Variants in RYR2 observed in about 807,000 individuals in gnomAD.
RYR2 encodes cardiac muscle ryanodine receptor-calcium release channel.
RYR2 carries 227 observed loss-of-function variants against 601.1 expected under a neutral mutation model. The ratio of observed to expected loss-of-function variants is 0.38; its 90% confidence interval spans 0.34 to 0.42. The LOEUF is 0.42. Among genes scored for constraint, RYR2 ranks in the 10% least tolerant of loss-of-function variants. RYR2 has a pLI of 1.00. For synonymous variants in RYR2, 2,223 were observed against 2,175.1 expected (o/e 1.02, Z -0.61); for missense variants, 4,646 against 6,156.5 (o/e 0.75, Z 8.21).
chr1:237,353,234 T>C (rs890005025), intron 3 of RYR2, among the ~76,000 whole-genome samples: 1 of 152,126 alleles, frequency 6.6e-6, no homozygotes, highest in Admixed American at 6.5e-5. Flanking sequence ...GAATAGTTCA[T>C]GTTTATGTGC....
intron 91 of RYR2, among the ~76,000 whole-genome samples, chr1:237,786,263 T>C (rs904677349): frequency 6.6e-6 from 1 of 152,112 alleles, no homozygotes; most frequent in East Asian, 1.9e-4. Context: ...TTCCTCTCAT[T>C]CCATGGGGAC....
rs372287944 is a variant in RYR2 at position 237,374,703 on chromosome 1, T to C, written c.385-14T>C. 1.1e-4 allele frequency: 169 copies of C among 1,604,522 alleles called. No homozygotes were observed. Among genetic ancestry groups the C allele is most frequent in the Non-Finnish European group, 1.4e-4 (165 of 1,173,808 alleles). ...AAAACCTCTACTTACAACTACTGAT[T>C]TTGTACTTTGTAGTATCTGTGCTGC... On this transcript the variant is annotated splice_polypyrimidine_tract_variant and intron_variant, in intron 6 of 104. Coordinates refer to ENST00000366574, the MANE Select transcript of RYR2 (RefSeq NM_001035.3).
At chr1:237,272,219 G>A (rs1054711318) in intron 2 of RYR2, among the ~76,000 whole-genome samples, 1 of 152,048 alleles carries the variant, frequency 6.6e-6, no homozygotes, top group Non-Finnish European at 1.5e-5. Context: ...TTGGCCCTAT[G>A]GACTTTTATA....
intron 29 of RYR2, among the ~76,000 whole-genome samples, chr1:237,574,269 T>A: frequency 6.6e-6 from 1 of 152,200 alleles, no homozygotes; most frequent in Non-Finnish European, 1.5e-5. Context: ...GCTTAAGTTT[T>A]TCCATGAATT....
chr1:237,214,855 GT>G (rs1434258566), intron 1 of RYR2, among the ~76,000 whole-genome samples: 6 of 151,966 alleles, frequency 3.9e-5, no homozygotes, highest in Non-Finnish European at 8.8e-5. Context: ...CAAAATTGAT[GT>G]GAGAAATGTA....
intron 1 of RYR2, among the ~76,000 whole-genome samples, chr1:237,117,137 C>A (rs1267799701): frequency 6.6e-6 from 1 of 152,048 alleles, no homozygotes; most frequent in Admixed American, 6.6e-5. Flanking sequence ...CAAGTAGAAG[C>A]TTCTTAAATA....
intron 1 of RYR2, among the ~76,000 whole-genome samples, chr1:237,137,273 C>T (rs1672898353): frequency 6.6e-6 from 1 of 152,106 alleles, no homozygotes; most frequent in Admixed American, 6.5e-5. Flanking sequence ...ATGGTACTTA[C>T]CCCTCCCATG....
At position 237,388,268 on chromosome 1, in the gene RYR2, G is replaced by A. The variant is rs535973183; in HGVS notation, c.773+85G>A. 86 of 1,095,706 alleles carry A rather than the reference G, an allele frequency of 7.8e-5. 1 individual carries two copies. In the East Asian group the frequency reaches 2.1e-3, roughly 26 times the overall value. 67.9% of individuals were successfully genotyped at this position (1,095,706 alleles called of 1,614,324 possible). On this transcript the variant is annotated intron_variant, in intron 10 of 104. Transcript: ENST00000366574. ...AAAAACTAGGGATCTATTCATTCAG[G>A]CCAGTAGCATCATACAAGATGGGCT...
chr1:237,646,295 C>T (rs937137075), intron 48 of RYR2, among the ~76,000 whole-genome samples: 6 of 151,904 alleles, frequency 3.9e-5, no homozygotes, highest in African/African-American at 1.4e-4. Context: ...GAGCCACGGC[C>T]GTGCCACTGC....
intron 76 of RYR2, among the ~76,000 whole-genome samples, chr1:237,728,493 T>C (rs1004030118): frequency 3.9e-5 from 6 of 152,136 alleles, no homozygotes; most frequent in African/African-American, 1.4e-4. Context: ...TGTATGTTTA[T>C]TGCAGCACTG....
intron 1 of RYR2, among the ~76,000 whole-genome samples, chr1:237,253,179 AAAC>A (rs1345397528): frequency 1.1e-3 from 163 of 149,322 alleles, no homozygotes; most frequent in Admixed American, 7.7e-3. Context: ...AAAAAAAAAA[AAAC>A]AACAACAAAA....
intron 63 of RYR2, among the ~76,000 whole-genome samples, chr1:237,694,112 G>A (rs1342544342): frequency 6.6e-6 from 1 of 151,816 alleles, no homozygotes; most frequent in Non-Finnish European, 1.5e-5. Flanking sequence ...GGCTAACAAG[G>A]TGAAACCCCG....
At chr1:237,807,693 TA>T (rs1660796678) in intron 99 of RYR2, among the ~76,000 whole-genome samples, 1 of 152,176 alleles carries the variant, frequency 6.6e-6, no homozygotes, top group Non-Finnish European at 1.5e-5. Flanking sequence ...TTTATAGTCC[TA>T]ACAGGTGAAA....
intron 53 of RYR2, among the ~76,000 whole-genome samples, chr1:237,657,136 A>AC (rs1337122799): frequency 5.9e-5 from 9 of 152,170 alleles, no homozygotes; most frequent in Non-Finnish European, 2.9e-5. Flanking sequence ...TAACAGATAC[A>AC]GGTTTATGTG....
rs748978315 is a variant in RYR2 at position 237,388,196 on chromosome 1, G to A, written c.773+13G>A. Reference sequence around the variant, plus strand: ...AAGAGCAGCGGAGGTTAGTACCTGAGCTCATTGCATTGAGACTTGCACTCT... The same window carrying A: ...AAGAGCAGCGGAGGTTAGTACCTGAACTCATTGCATTGAGACTTGCACTCT... On this transcript the variant is annotated intron_variant, in intron 10 of 104. Coordinates refer to ENST00000366574, the MANE Select transcript of RYR2 (RefSeq NM_001035.3). 3 of 1,608,126 alleles carry A rather than the reference G, an allele frequency of 1.9e-6. No individual in the cohort carries two copies. The highest frequency in any genetic ancestry group is 2.6e-6 in the Non-Finnish European group (3 of 1,175,342).
intron 17 of RYR2, among the ~76,000 whole-genome samples, chr1:237,482,265 G>T (rs1040636712): frequency 6.6e-6 from 1 of 151,888 alleles, no homozygotes; most frequent in Non-Finnish European, 1.5e-5. Flanking sequence ...GGATATAGTC[G>T]CACTGTTGTG....
intron 1 of RYR2, among the ~76,000 whole-genome samples, chr1:237,097,528 A>G (rs1667617516): frequency 6.6e-6 from 1 of 152,224 alleles, no homozygotes; most frequent in Non-Finnish European, 1.5e-5. Flanking sequence ...TATATTTACA[A>G]AGATTTAAAC....
chr1:237,764,541 C>T lies in RYR2; in HGVS notation c.11476+3513C>T, dbSNP rs979900166. Among the ~76,000 whole-genome samples, 13 of 151,554 alleles carry T rather than the reference C, an allele frequency of 8.6e-5. 1 individual carries two copies. In the South Asian group the frequency reaches 1.3e-3, roughly 15 times the overall value. ...TCATCTCACTGCAACCTCCACTTCC[C>T]GGGTTCAAGCGATTCTCCTGCCTCA... On this transcript the variant is annotated intron_variant, in intron 84 of 104. Transcript: ENST00000366574.
intron 34 of RYR2, among the ~76,000 whole-genome samples, chr1:237,599,818 A>G (rs1275122277): frequency 6.6e-6 from 1 of 151,828 alleles, no homozygotes; most frequent in East Asian, 1.9e-4. Flanking sequence ...CAAAAAAAAA[A>G]AAAAAAAAAA....
Sources: allele counts gnomAD v4.1 joint callset (sites outside exome capture counted in the v4.1 genomes callset), GRCh38; gene constraint gnomAD v4.1.1; transcripts MANE v1.5; gene names NCBI Gene and HGNC (gene_info 2026-07-23, HGNC 2026-07-21).